Variants in PIGG observed in about 807,000 individuals in gnomAD.
PIGG encodes phosphatidylinositol glycan anchor biosynthesis class G (EMM blood group).
PIGG carries 70 observed loss-of-function variants against 83.2 expected under a neutral mutation model. The ratio of observed to expected loss-of-function variants is 0.84; its 90% confidence interval spans 0.69 to 1.03. PIGG has a LOEUF of 1.03. PIGG is among the 50% of genes least tolerant of loss of function. PIGG has a pLI of 0.00. For synonymous variants in PIGG, 532 were observed against 519.5 expected (o/e 1.02, Z -0.33); for missense variants, 1,257 against 1,233.6 (o/e 1.02, Z -0.28).
At position 523,765 on chromosome 4, in the gene PIGG, T is replaced by A; in HGVS notation, c.1921T>A (p.Ser641Thr). 6.2e-7 allele frequency: 1 copy of A among 1,614,006 alleles called. No homozygotes were observed. ...LERDKGHGSP[S>T]TSEVLRGREK... The stretch of plus-strand genomic sequence containing the variant: ...GCGAGACAAAGGCCACGGAAGCCCC[T>A]CTACCTCCGAAGTGCTCAGAGGCCG... The change falls in exon 9 of 13, where the codon TCT (serine) becomes ACT (threonine). Residue 641 changes from serine to threonine, a missense_variant. Transcript: ENST00000453061.
At position 523,602 on chromosome 4, in the gene PIGG, T is replaced by C; in HGVS notation, c.1758T>C (p.Cys586=). Residue 586 remains cysteine, a synonymous_variant, in exon 9 of 13, where the codon TGT becomes TGC. Coordinates refer to ENST00000453061, the MANE Select transcript of PIGG (RefSeq NM_001127178.3). Reference sequence around the variant, plus strand: ...GGTACTTCCTTGTGAACACCCTGTGTCTAGCTCTGAGCCAAGAAACCTACA... The same window carrying C: ...GGTACTTCCTTGTGAACACCCTGTGCCTAGCTCTGAGCCAAGAAACCTACA... The part of the protein sequence containing the change: ...QTWYFLVNTL[C]LALSQETYRN... The C allele has an allele frequency of 6.2e-7, 1 of 1,614,158 alleles. No homozygotes were observed.
At chr4:523,042 A>G (rs142827823) in intron 8 of PIGG, among the ~76,000 whole-genome samples, 1 of 152,302 alleles carries the variant, frequency 6.6e-6, no homozygotes, top group Non-Finnish European at 1.5e-5. Flanking sequence ...GGCGACGTGC[A>G]TCTGAAGACC....
At chr4:519,063 A>T (rs1321994908) in intron 6 of PIGG, among the ~76,000 whole-genome samples, 2 of 152,234 alleles carry the variant, frequency 1.3e-5, no homozygotes, top group Admixed American at 6.5e-5. Flanking sequence ...CAGCGTAAAC[A>T]TCAGACCTTC....
Position 515,995 on chromosome 4 carries a change from C to T in PIGG, c.924C>T (p.His308=), listed in dbSNP as rs143468308. The change falls in exon 6 of 13, where the codon CAC becomes CAT. Residue 308 remains histidine, a synonymous_variant. Transcript: ENST00000453061. This position sits in a 1 kb window ranked among gnomAD's most constrained non-coding sequence, Gnocchi z 4.2. ...TAGGTGATATCCGACATCCAAAGCA[C>T]GTCCAACAGACGGATGTGGCTGCGA... ...RKPGDIRHPK[H]VQQTDVAATL... 5 of 1,613,940 alleles carry T rather than the reference C, an allele frequency of 3.1e-6. No homozygotes were observed. The highest frequency in any genetic ancestry group is 3.4e-6 in the Non-Finnish European group (4 of 1,179,878).
chr4:499,737 C>G (rs1291964868), intron 1 of PIGG: 8 of 1,354,020 alleles, frequency 5.9e-6, no homozygotes, highest in Non-Finnish European at 7.6e-6. Context: ...TAAGCTGTGT[C>G]CATACCTGGG....
At chr4:522,044 G>T (rs1410881861) in intron 8 of PIGG, 103 bp downstream of exon 8, 1 of 1,277,236 alleles carries the variant, frequency 7.8e-7, no homozygotes, top group Non-Finnish European at 1.1e-6. Flanking sequence ...TTGAACACCT[G>T]GTGTGTGCCA....
chr4:500,594 G>A lies in PIGG; in HGVS notation c.353G>A (p.Arg118Gln), dbSNP rs1553875268. 6.3e-7 allele frequency: 1 copy of A among 1,595,446 alleles called. No homozygotes were observed. Among genetic ancestry groups the A allele is most frequent in the Admixed American group, 1.7e-5 (1 of 59,996 alleles). The stretch of plus-strand genomic sequence containing the variant: ...AAGCCACCTACAGTTACTATGCCTC[G>A]AATCAAGGTAAGTTTGCCTTAATGT... ...EAKPPTVTMP[R>Q]IKALMTGSLP... is the part of the protein sequence containing the mutation. The change falls in exon 2 of 13, where the codon CGA becomes CAA. Residue 118 changes from arginine (R) to glutamine (Q), a missense_variant. By Grantham distance (43) the Arg-to-Gln change is conservative. Transcript: ENST00000453061.
In PIGG at chr4:507,583, T is replaced by G; in HGVS notation, c.749T>G (p.Leu250Arg). 1 of 1,611,900 alleles carries G rather than the reference T, an allele frequency of 6.2e-7. No individual in the cohort carries two copies. Among genetic ancestry groups the G allele is most frequent in the East Asian group, 2.2e-5 (1 of 44,810 alleles). The change falls in exon 4 of 13, where the codon CTG (leucine) becomes CGG (arginine). Residue 250 changes from leucine to arginine, a missense_variant. Transcript: ENST00000453061. ...DSVLMKIHTS[L>R]QSKERETPLP... ...GTGCTGATGAAGATCCACACCTCAC[T>G]GCAGTCGAAGGTGAGGCTCGCCGTC...
chr4:524,241 T>C (rs1726928742), intron 9 of PIGG, among the ~76,000 whole-genome samples: 1 of 152,240 alleles, frequency 6.6e-6, no homozygotes, highest in Non-Finnish European at 1.5e-5. Context: ...AGTGGCTTGT[T>C]CTGGACGCCT....
chr4:527,670 G>A, intron 10 of PIGG: 1 of 988,488 alleles, frequency 1.0e-6, no homozygotes, highest in South Asian at 4.7e-5. Context: ...AATGAAGCTT[G>A]CTGGAAAATC....
rs781917108 is a variant in PIGG at position 505,773 on chromosome 4, C to T, written c.416C>T (p.Ser139Phe). ...GTCGACGTCATCAGGAACCTCAATT[C>T]TCCTGCACTGCTGGAAGACAGTGTG... is the stretch of plus-strand genomic sequence containing the variant. The part of the protein sequence containing the change: ...GFVDVIRNLN[S>F]PALLEDSVIR... The change falls in exon 3 of 13, where the codon TCT (serine) becomes TTT (phenylalanine). Residue 139 changes from serine to phenylalanine, a missense_variant. Transcript: ENST00000453061. 7 of 1,613,368 alleles carry T rather than the reference C, an allele frequency of 4.3e-6. No individual in the cohort carries two copies. The highest frequency in any genetic ancestry group is 5.9e-6 in the Non-Finnish European group (7 of 1,179,918).
At chr4:501,209 G>A (rs565139637) in intron 2 of PIGG, 513 of 452,990 alleles carry the variant, frequency 1.1e-3, no homozygotes, top group African/African-American at 8.6e-3. Flanking sequence ...TTTGAGCAAC[G>A]ACTATGTGGT....
At chr4:505,533 C>G (rs1414444448) in intron 2 of PIGG, among the ~76,000 whole-genome samples, 185 bp from the exon 3 acceptor site, 5 of 146,096 alleles carry the variant, frequency 3.4e-5, no homozygotes, top group African/African-American at 1.3e-4. Context: ...CTTGGGAGGC[C>G]AAGGTGGGAG....
rs1576985783 is a variant in PIGG at position 499,610 on chromosome 4, TC to T, written c.154+125del. The T allele has an allele frequency of 3.5e-6, 5 of 1,425,660 alleles. No homozygotes were observed. In the East Asian group the frequency reaches 1.3e-4, roughly 37 times the overall value. The allele number at this position is 1,425,660 out of a possible 1,614,324, so 88.3% of individuals were successfully genotyped here. On this transcript the variant is annotated intron_variant, in intron 1 of 12. Transcript: ENST00000453061. ...TCCCCGGTGGTCTCTTCCATTATGG[TC>T]CCCACCTCAGAAATTTTTTTTAACC...
At chr4:526,988 A>G (rs748021643) in intron 9 of PIGG, 51 bp from the exon 10 acceptor site, 8 of 1,597,824 alleles carry the variant, frequency 5.0e-6, no homozygotes, top group Admixed American at 1.7e-5. Flanking sequence ...GTGTAGATTG[A>G]TCTTGTCGCT....
chr4:528,114 C>G lies in PIGG; in HGVS notation c.2261+884C>G. On this transcript the variant is annotated intron_variant, in intron 10 of 12. Transcript: ENST00000453061. The surrounding 1 kb of genome is among the most constrained non-coding windows in gnomAD (Gnocchi z 4.8). ...GTCGGTGCTCTGATAGTGACCCTCT[C>G]AGTGAGGTCGGTGCTCTGCAGAGGG... 1 of 985,378 alleles carries G rather than the reference C, an allele frequency of 1.0e-6. No individual in the cohort carries two copies. The highest frequency in any genetic ancestry group is 1.2e-6 in the Non-Finnish European group (1 of 829,926). 61.0% of individuals were successfully genotyped at this position (985,378 alleles called of 1,614,324 possible).
Position 508,814 on chromosome 4 carries a change from T to C in PIGG, c.760-15T>C, listed in dbSNP as rs782581067. On this transcript the variant is annotated splice_polypyrimidine_tract_variant and intron_variant, in intron 4 of 12. Coordinates refer to ENST00000453061, the MANE Select transcript of PIGG (RefSeq NM_001127178.3). ...AGTCTGAACGCAGTTGAAATGTTTT[T>C]CCTTTGCCTTAAAGGAGAGAGAGAC... The C allele has an allele frequency of 1.5e-5, 25 of 1,613,142 alleles. No individual in the cohort carries two copies. The highest frequency in any genetic ancestry group is 2.0e-5 in the Non-Finnish European group (24 of 1,179,390).
At chr4:506,868 TACTGTCCTG>T in intron 3 of PIGG, 1 of 446,536 alleles carries the variant, frequency 2.2e-6, no homozygotes, top group South Asian at 1.6e-5. Flanking sequence ...TAACGCTGGG[TACTGTCCTG>T]TCTTTAATTA....
intron 5 of PIGG, among the ~76,000 whole-genome samples, chr4:510,153 T>G (rs555696609): frequency 6.6e-6 from 1 of 152,302 alleles, no homozygotes; most frequent in South Asian, 2.1e-4. Flanking sequence ...TCTCACAGCC[T>G]TCAGAGCTGA....
Sources: gnomAD v4.1 joint callset for allele counts (sites outside exome capture counted in the v4.1 genomes callset) on GRCh38, gnomAD v4.1.1 for gene constraint, Gnocchi (gnomAD v3.1) non-coding constraint, MANE v1.5 for transcripts, NCBI Gene and HGNC (gene_info 2026-07-23, HGNC 2026-07-21) for gene names.